Variants in RASGEF1C observed in about 807,000 individuals in gnomAD.
RASGEF1C encodes the protein ras-GEF domain-containing family member 1C.
A neutral mutation model predicts 58.1 loss-of-function variants in RASGEF1C; 27 were observed. The observed-to-expected ratio is 0.46, with a 90% CI of 0.34 to 0.64. The LOEUF is 0.64. RASGEF1C is among the 30% of genes least tolerant of loss of function. The pLI, the probability that RASGEF1C is intolerant of heterozygous loss-of-function variation, is 0.01. For synonymous variants in RASGEF1C, 243 were observed against 246.3 expected (o/e 0.99, Z 0.13); for missense variants, 502 against 605.1 (o/e 0.83, Z 1.79).
In RASGEF1C at chr5:180,142,472, C is replaced by T. The variant is rs1203246099; in HGVS notation, c.-6-4414G>A. ...CCTAATCAAAGCCTTGGAAATGTATCCTGAGAAAATAAAGGGGACAAGCTG... is the reference window on the plus strand; with the variant it reads ...CCTAATCAAAGCCTTGGAAATGTATTCTGAGAAAATAAAGGGGACAAGCTG... On this transcript the variant is annotated intron_variant, in intron 1 of 13. Transcript: ENST00000361132. Among the ~76,000 whole-genome samples, 3 of 152,084 alleles carry T rather than the reference C, an allele frequency of 2.0e-5. No individual in the cohort carries two copies. The East Asian group carries it at 5.8e-4, about 29-fold the overall frequency.
intron 1 of RASGEF1C, among the ~76,000 whole-genome samples, chr5:180,180,508 T>C (rs778298900): frequency 1.7e-4 from 26 of 152,224 alleles, no homozygotes; most frequent in Non-Finnish European, 3.5e-4. Context: ...GTACCTCACT[T>C]CACAGTTTGC....
intron 4 of RASGEF1C, among the ~76,000 whole-genome samples, chr5:180,129,773 C>T (rs1294632504): frequency 2.6e-5 from 4 of 152,202 alleles, no homozygotes; most frequent in African/African-American, 4.8e-5. Flanking sequence ...GTGCCCAGGC[C>T]GGCTCCTGGC....
chr5:180,132,993 G>T, intron 4 of RASGEF1C, among the ~76,000 whole-genome samples: 1 of 141,374 alleles, frequency 7.1e-6, no homozygotes, highest in African/African-American at 2.6e-5. Flanking sequence ...AAAAAAGCAA[G>T]ACCAGTCCTC....
chr5:180,201,827 C>T (rs1756399933), intron 1 of RASGEF1C, among the ~76,000 whole-genome samples: 1 of 152,204 alleles, frequency 6.6e-6, no homozygotes. Flanking sequence ...CTTGTCCCTT[C>T]CTCCATGTGA....
chr5:180,173,827 C>G (rs773523928), intron 1 of RASGEF1C, among the ~76,000 whole-genome samples: 4 of 151,172 alleles, frequency 2.6e-5, no homozygotes, highest in Non-Finnish European at 5.9e-5. Context: ...GCAGGAGAAT[C>G]GCTTGAGCCC....
chr5:180,133,858 G>A (rs1766420457), intron 4 of RASGEF1C, among the ~76,000 whole-genome samples: 1 of 152,198 alleles, frequency 6.6e-6, no homozygotes, highest in Non-Finnish European at 1.5e-5. Flanking sequence ...ATTTGGGGAA[G>A]CATCTGTTCT....
intron 12 of RASGEF1C, among the ~76,000 whole-genome samples, chr5:180,108,892 AGAAG>A (rs1765910698): frequency 6.6e-6 from 1 of 152,182 alleles, no homozygotes. Context: ...TGGGAGGGAC[AGAAG>A]GAAGAGACAG....
intron 1 of RASGEF1C, among the ~76,000 whole-genome samples, chr5:180,152,714 TAAAAA>T (rs200760464): frequency 2.8e-5 from 4 of 140,430 alleles, no homozygotes; most frequent in Non-Finnish European, 6.2e-5. Context: ...AAAGTATAAT[TAAAAA>T]AAAAAAAAGA....
chr5:180,141,029 C>T (rs1336172465), intron 1 of RASGEF1C, among the ~76,000 whole-genome samples: 3 of 152,190 alleles, frequency 2.0e-5, no homozygotes, highest in Non-Finnish European at 4.4e-5. Context: ...GAGGGTCCCT[C>T]GCTCCACCTG....
At chr5:180,179,017 G>A (rs997892549) in intron 1 of RASGEF1C, among the ~76,000 whole-genome samples, 7 of 152,122 alleles carry the variant, frequency 4.6e-5, no homozygotes, top group Admixed American at 2.0e-4. Flanking sequence ...GCCTGGGGCC[G>A]GGAGGAGGCG....
chr5:180,135,046 C>CA (rs967374603), intron 4 of RASGEF1C, among the ~76,000 whole-genome samples: 1 of 25,700 alleles, frequency 3.9e-5, no homozygotes, highest in Non-Finnish European at 3.0e-4. Flanking sequence ...GCTGTCCCCA[C>CA]CCCCCCCGTC....
intron 1 of RASGEF1C, among the ~76,000 whole-genome samples, chr5:180,194,805 G>A (rs1355625358): frequency 6.6e-6 from 1 of 152,202 alleles, no homozygotes; most frequent in South Asian, 2.1e-4. Flanking sequence ...CGAGGATTCC[G>A]AACCAGCCCT....
At chr5:180,173,997 C>T (rs115573375) in intron 1 of RASGEF1C, among the ~76,000 whole-genome samples, 1 of 151,464 alleles carries the variant, frequency 6.6e-6, no homozygotes, top group African/African-American at 2.4e-5. Flanking sequence ...TTGGGGGGCC[C>T]AGACGTGGGG....
chr5:180,136,318 C>G lies in RASGEF1C; in HGVS notation c.438+60G>C, dbSNP rs371725047. The G allele has an allele frequency of 4.7e-4, 702 of 1,499,686 alleles. 5 individuals carry two copies. The East Asian group carries it at 0.017, about 35-fold the overall frequency. 92.9% of individuals were successfully genotyped at this position (1,499,686 alleles called of 1,614,324 possible). A position where few individuals can be genotyped will look rare whatever the true frequency, so the allele number is the denominator to read the frequency against. ...AGGGCCCTGGGGTGCGGGCCGGGAA[C>G]AGGCGCAGGCCTGGGACGGGAGGGA... On this transcript the variant is annotated intron_variant, in intron 4 of 13. Transcript: ENST00000361132.
At chr5:180,148,705 T>C (rs958782303) in intron 1 of RASGEF1C, among the ~76,000 whole-genome samples, 4 of 152,256 alleles carry the variant, frequency 2.6e-5, no homozygotes, top group Non-Finnish European at 5.9e-5. Flanking sequence ...CTTATTTTCT[T>C]AATGTATTAG....
chr5:180,112,210 C>T (rs1388919855), intron 11 of RASGEF1C, among the ~76,000 whole-genome samples: 1 of 152,226 alleles, frequency 6.6e-6, no homozygotes, highest in Admixed American at 6.5e-5. Context: ...TCCCAGTTCC[C>T]TGGGCCCCTG....
intron 1 of RASGEF1C, among the ~76,000 whole-genome samples, chr5:180,173,659 A>C (rs1046277656): frequency 6.6e-6 from 1 of 152,098 alleles, no homozygotes; most frequent in Non-Finnish European, 1.5e-5. Context: ...TCCCGCCTGT[A>C]GTCCCAGCAC....
intron 12 of RASGEF1C, among the ~76,000 whole-genome samples, chr5:180,104,432 C>G (rs1022425060): frequency 1.3e-5 from 2 of 152,206 alleles, no homozygotes; most frequent in South Asian, 4.1e-4. Context: ...ACCTTAGAAG[C>G]AGAGAGCAGC....
intron 6 of RASGEF1C, among the ~76,000 whole-genome samples, chr5:180,121,373 G>T (rs533715622): frequency 1.3e-5 from 2 of 151,886 alleles, no homozygotes; most frequent in Admixed American, 1.3e-4. Flanking sequence ...GAGTGCGGTG[G>T]CGCGATCTCG....
Sources: gnomAD v4.1 joint callset for allele counts (sites outside exome capture counted in the v4.1 genomes callset) on GRCh38, gnomAD v4.1.1 for gene constraint, MANE v1.5 for transcripts, NCBI Gene and HGNC (gene_info 2026-07-23, HGNC 2026-07-21) for gene names.